ITIH5: variants seen among roughly 807,000 people sequenced by gnomAD.
ITIH5 encodes the protein inter-alpha-trypsin inhibitor heavy chain H5.
A neutral mutation model predicts 77.5 loss-of-function variants in ITIH5; 65 were observed. The observed-to-expected ratio is 0.84, with a 90% confidence interval of 0.69 to 1.03. ITIH5 has a LOEUF of 1.03. ITIH5 is among the 50% of genes least tolerant of loss of function. The pLI is 0.00. For missense variants in ITIH5, 1,208 were observed against 1,213.1 expected, an observed-to-expected ratio of 1.00 and a Z score of 0.06; for synonymous variants, 525 against 494.3, an observed-to-expected ratio of 1.06 and a Z score of -0.82.
chr10:7,594,611 C>T (rs556679564), intron 7 of ITIH5, among the ~76,000 whole-genome samples: 11 of 145,766 alleles, frequency 7.5e-5, no homozygotes, highest in Non-Finnish European at 1.4e-4. Flanking sequence ...AGGCCTGATT[C>T]GCGAGGGGAT....
chr10:7,630,386 G>GT (rs544768850), intron 5 of ITIH5, among the ~76,000 whole-genome samples: 213 of 152,226 alleles, frequency 1.4e-3, no homozygotes, highest in African/African-American at 4.7e-3. Context: ...TAACTTGCTC[G>GT]TTTTAACTTT....
At chr10:7,640,691 G>T in intron 4 of ITIH5, 63 bp downstream of exon 4, 1 of 983,366 alleles carries the variant, frequency 1.0e-6, no homozygotes, top group South Asian at 1.3e-5. Context: ...AGTAGGCAAA[G>T]GCATAGAAAA....
chr10:7,649,781 G>A (rs1834067762), intron 2 of ITIH5, among the ~76,000 whole-genome samples: 1 of 152,190 alleles, frequency 6.6e-6, no homozygotes, highest in African/African-American at 2.4e-5. Context: ...ATATTGGACA[G>A]GCAGGTAACA....
intron 5 of ITIH5, chr10:7,617,755 C>G (rs1435275065): frequency 6.6e-6 from 1 of 152,168 alleles, no homozygotes; most frequent in Non-Finnish European, 1.5e-5. Context: ...TGCTCAATGC[C>G]CTATTATTAT....
In ITIH5 at chr10:7,632,751, G is replaced by A. The variant is rs150592276; in HGVS notation, c.652+4477C>T. Among the ~76,000 whole-genome samples, 1,500 of 152,252 alleles carry A rather than the reference G, an allele frequency of 9.9e-3. 8 individuals are homozygous for A. Among genetic ancestry groups the A allele is most frequent in the Non-Finnish European group, 0.015 (992 of 68,020 alleles). ...CTGGAATTCTTTCTAAACCCTTCTA[G>A]GTTACTAGAGAGTATAGTCAGGATT... On this transcript the variant is annotated intron_variant, in intron 5 of 13. Coordinates refer to ENST00000397146, the MANE Select transcript of ITIH5 (RefSeq NM_030569.7).
chr10:7,589,468 T>A (rs1180783219), intron 7 of ITIH5, among the ~76,000 whole-genome samples: 1 of 151,836 alleles, frequency 6.6e-6, no homozygotes, highest in African/African-American at 2.4e-5. Context: ...CAAAAAAAAA[T>A]GAAGGCACTG....
At chr10:7,641,898 T>C in intron 3 of ITIH5, 29 bp downstream of exon 3, 1 of 1,611,330 alleles carries the variant, frequency 6.2e-7, no homozygotes, top group Non-Finnish European at 8.5e-7. Context: ...TAGGCAGAAA[T>C]CTTCATCCCT....
chr10:7,628,673 C>T (rs113544114), intron 5 of ITIH5, among the ~76,000 whole-genome samples: 20 of 113,076 alleles, frequency 1.8e-4, no homozygotes, highest in African/African-American at 4.0e-4. Context: ...TCACATGTGT[C>T]CATGTTGTAG....
At position 7,563,235 on chromosome 10, in the gene ITIH5, T is replaced by A; in HGVS notation, c.2677A>T (p.Arg893Trp). Residue 893 changes from arginine (R) to tryptophan (W), a missense_variant, in exon 14 of 14, where the codon AGG (arginine) becomes TGG (tryptophan). Arg to Trp is a moderately radical substitution (Grantham distance 101). Coordinates refer to ENST00000397146, the MANE Select transcript of ITIH5 (RefSeq NM_030569.7). ...GHQVPVVWKQ[R>W]KIYNGEEQID... ...TGCTCTTCCCCGTTGTAAATCTTCC[T>A]TTGCTTCCAGACCACTGGGACTTGG... The A allele has an allele frequency of 6.2e-7, 1 of 1,614,214 alleles. No individual in the cohort carries two copies. Among genetic ancestry groups the A allele is most frequent in the South Asian group, 1.1e-5 (1 of 91,082 alleles).
At chr10:7,647,750 A>T (rs1225837276) in intron 2 of ITIH5, among the ~76,000 whole-genome samples, 2 of 152,192 alleles carry the variant, frequency 1.3e-5, no homozygotes, top group Admixed American at 1.3e-4. Context: ...CATATTAAAA[A>T]TATGCTTGAA....
chr10:7,629,970 TG>T (rs1472621917), intron 5 of ITIH5, among the ~76,000 whole-genome samples: 3 of 152,102 alleles, frequency 2.0e-5, no homozygotes, highest in Non-Finnish European at 4.4e-5. Flanking sequence ...TTGAATGTAT[TG>T]GGGGGGCTAC....
In ITIH5 at chr10:7,566,230, T is replaced by C; in HGVS notation, c.2327A>G (p.Asn776Ser). 1 of 1,613,696 alleles carries C rather than the reference T, an allele frequency of 6.2e-7. No homozygotes were observed. ...CCAGCTCCCCACCACCACACTCTGGTTGCAGGGGAGCACCAGTCTGTCCCC... is the reference window on the plus strand; with the variant it reads ...CCAGCTCCCCACCACCACACTCTGGCTGCAGGGGAGCACCAGTCTGTCCCC... ...DGGDRLVLPC[N>S]QSVVVGSWGL... The change falls in exon 13 of 14, where the codon AAC becomes AGC. Residue 776 changes from asparagine to serine, a missense_variant. Transcript: ENST00000397146.
At chr10:7,600,192 A>G (rs969622833) in intron 7 of ITIH5, among the ~76,000 whole-genome samples, 1 of 152,214 alleles carries the variant, frequency 6.6e-6, no homozygotes, top group Non-Finnish European at 1.5e-5. Context: ...ACTAAGTTCT[A>G]GCCAGTCATA....
At chr10:7,632,595 C>T (rs929118377) in intron 5 of ITIH5, among the ~76,000 whole-genome samples, 23 of 152,226 alleles carry the variant, frequency 1.5e-4, no homozygotes, top group African/African-American at 5.5e-4. Context: ...TTTTTAATCA[C>T]TCATAGATTT....
In ITIH5 at chr10:7,617,133, GT is replaced by G; in HGVS notation, c.801del (p.Glu267AspfsTer10). On this transcript the variant is annotated frameshift_variant, in exon 6 of 14. Transcript: ENST00000397146. LOFTEE classifies it high-confidence loss of function. ...DFIIRYDVNR[E>X]QSIGDIQVLN... ...ATTACCTGGATGTCCCCAATGCTCT[GT>G]TCTCTATTGACGTCATATCTAATGA... 1 of 1,584,688 alleles carries G rather than the reference GT, an allele frequency of 6.3e-7. No homozygotes were observed. The highest frequency in any genetic ancestry group is 8.5e-7 in the Non-Finnish European group (1 of 1,169,916).
At chr10:7,646,301 T>G (rs1188352204) in intron 2 of ITIH5, among the ~76,000 whole-genome samples, 1 of 152,236 alleles carries the variant, frequency 6.6e-6, no homozygotes, top group African/African-American at 2.4e-5. Flanking sequence ...AAGTAACATA[T>G]GCACATGGTA....
At chr10:7,631,375 T>C (rs768130063) in intron 5 of ITIH5, among the ~76,000 whole-genome samples, 2 of 151,688 alleles carry the variant, frequency 1.3e-5, no homozygotes, top group African/African-American at 2.4e-5. Context: ...CAACGTGGAG[T>C]TGGGGTTGGA....
At chr10:7,600,386 A>C (rs1339011804) in intron 7 of ITIH5, 1 of 373,102 alleles carries the variant, frequency 2.7e-6, no homozygotes, top group African/African-American at 2.1e-5. Context: ...CCTTCAGTCT[A>C]GCACATTCTC....
chr10:7,630,383 C>T (rs1833692868), intron 5 of ITIH5, among the ~76,000 whole-genome samples: 1 of 152,178 alleles, frequency 6.6e-6, no homozygotes, highest in South Asian at 2.1e-4. Flanking sequence ...TCTTAACTTG[C>T]TCGTTTTAAC....
Sources: gnomAD v4.1 joint callset for allele counts (sites outside exome capture counted in the v4.1 genomes callset) on GRCh38, gnomAD v4.1.1 for gene constraint, MANE v1.5 for transcripts, NCBI Gene and HGNC (gene_info 2026-07-23, HGNC 2026-07-21) for gene names.